MYOZ2: variants seen among roughly 807,000 people sequenced by gnomAD.
MYOZ2 encodes the protein myozenin 2, also known as myozenin-2.
Under a neutral mutation model 25.4 loss-of-function variants are expected in MYOZ2, and 19 were observed. The observed-to-expected ratio is 0.75, with a 90% CI of 0.52 to 1.10. MYOZ2 has a LOEUF of 1.10. Among genes scored for constraint, MYOZ2 ranks in the 50% least tolerant of loss-of-function variants. The probability of loss-of-function intolerance (pLI) is 0.00; values close to 1 mark genes in which losing one functional copy is unlikely to be tolerated. For synonymous variants in MYOZ2, 92 were observed against 106.9 expected (o/e 0.86, Z 0.86); for missense variants, 270 against 317.9 (o/e 0.85, Z 1.15).
chr4:119,178,259 A>G (rs1434821603), intron 5 of MYOZ2, among the ~76,000 whole-genome samples: 1 of 152,104 alleles, frequency 6.6e-6, no homozygotes, highest in Non-Finnish European at 1.5e-5. Flanking sequence ...TTAGGAACCA[A>G]CTTCTCTTTA....
intron 2 of MYOZ2, among the ~76,000 whole-genome samples, chr4:119,142,270 A>G (rs1182558059): frequency 6.6e-6 from 1 of 152,232 alleles, no homozygotes; most frequent in African/African-American, 2.4e-5. Flanking sequence ...TTCCCTATAC[A>G]GTTACAATGG....
chr4:119,169,346 C>T (rs1741900206), intron 5 of MYOZ2, among the ~76,000 whole-genome samples: 1 of 152,164 alleles, frequency 6.6e-6, no homozygotes, highest in Admixed American at 6.5e-5. Context: ...CCTACAATAT[C>T]TCCAAAGTAC....
In MYOZ2 at chr4:119,164,298, C is replaced by T. The variant is rs137878426; in HGVS notation, c.464C>T (p.Ala155Val). 6.2e-7 allele frequency: 1 copy of T among 1,613,974 alleles called. No homozygotes were observed. The highest frequency in any genetic ancestry group is 8.5e-7 in the Non-Finnish European group (1 of 1,179,878). ...TACTATCAATCTCCCTGGGAACAAG[C>T]CATTAGCAATGATCCGGAGCTTTTA... ...PKYYQSPWEQ[A>V]ISNDPELLEA... is the part of the protein sequence containing the mutation. The change falls in exon 5 of 6, where the codon GCC (alanine) becomes GTC (valine). Residue 155 changes from alanine to valine, a missense_variant. Physicochemically the swap from Ala to Val is moderately conservative, Grantham distance 64. Transcript: ENST00000307128.
At chr4:119,144,021 C>T (rs1234602596) in intron 2 of MYOZ2, among the ~76,000 whole-genome samples, 4 of 152,092 alleles carry the variant, frequency 2.6e-5, no homozygotes, top group African/African-American at 9.7e-5. Flanking sequence ...AATATCACAA[C>T]CAGAATATTG....
chr4:119,182,386 C>T (rs1306779060), intron 5 of MYOZ2, among the ~76,000 whole-genome samples: 1 of 152,154 alleles, frequency 6.6e-6, no homozygotes, highest in Non-Finnish European at 1.5e-5. Flanking sequence ...CAACCTGGAT[C>T]ATGGTACCTC....
chr4:119,176,123 C>T (rs1302858616), intron 5 of MYOZ2, among the ~76,000 whole-genome samples: 2 of 152,290 alleles, frequency 1.3e-5, no homozygotes, highest in South Asian at 2.1e-4. Context: ...TTAAGATCTA[C>T]AATTTTTTCG....
chr4:119,161,448 TAA>T (rs1452454659), intron 4 of MYOZ2, among the ~76,000 whole-genome samples: 1 of 151,976 alleles, frequency 6.6e-6, no homozygotes, highest in East Asian at 1.9e-4. Context: ...CATGAATAAA[TAA>T]GAGTATGAAA....
chr4:119,148,590 C>T (rs1741364419), intron 2 of MYOZ2, among the ~76,000 whole-genome samples: 2 of 152,000 alleles, frequency 1.3e-5, no homozygotes, highest in South Asian at 4.1e-4. Flanking sequence ...TCTATTCTAA[C>T]AGCTAAGTGA....
In MYOZ2 at chr4:119,168,708, AAC is replaced by A. The variant is rs1320510103; in HGVS notation, c.560+4316_560+4317del. On this transcript the variant is annotated intron_variant, in intron 5 of 5. Transcript: ENST00000307128. ...AAACAACAACAACAACAACAACAAC[AAC>A]AAAAAACCACCTGAGCAGATCAGGA... 7.1e-4 allele frequency among the ~76,000 whole-genome samples: 107 copies of A among 151,068 alleles called. 1 individual carries two copies. Among genetic ancestry groups the A allele is most frequent in the African/African-American group, 2.5e-3 (102 of 40,446 alleles).
At chr4:119,139,302 G>C (rs954083779) in intron 2 of MYOZ2, among the ~76,000 whole-genome samples, 22 of 152,146 alleles carry the variant, frequency 1.4e-4, no homozygotes, top group Non-Finnish European at 2.9e-4. Flanking sequence ...ACTCTTGTGA[G>C]ACAAACCTCT....
intron 1 of MYOZ2, among the ~76,000 whole-genome samples, chr4:119,136,252 G>T (rs188765926): frequency 3.3e-5 from 5 of 152,228 alleles, no homozygotes; most frequent in East Asian, 3.9e-4. Flanking sequence ...GGGGAAAGGA[G>T]ACCAGCAATT....
chr4:119,169,798 A>G (rs1398954141), intron 5 of MYOZ2, among the ~76,000 whole-genome samples: 2 of 152,212 alleles, frequency 1.3e-5, no homozygotes, highest in African/African-American at 4.8e-5. Flanking sequence ...ATAAAGGTGA[A>G]CAAGTAATAC....
intron 5 of MYOZ2, among the ~76,000 whole-genome samples, chr4:119,180,617 G>A (rs13136593): frequency 0.31 from 47,664 of 152,058 alleles, 9,378 homozygotes; most frequent in East Asian, 0.52. Flanking sequence ...GCGGTGGTGC[G>A]ATTTCAGCTC....
chr4:119,156,134 C>CA (rs1348710639), intron 3 of MYOZ2, among the ~76,000 whole-genome samples: 4 of 151,598 alleles, frequency 2.6e-5, no homozygotes, highest in Admixed American at 2.0e-4. Context: ...AGAAGAAAGA[C>CA]AAAAAACTTT....
rs1343370484 is a variant in MYOZ2, at chr4:119,135,842, T to C, written c.-155T>C. Reference sequence around the variant, plus strand: ...TCTTCAGAAAAGCTCAGTCCCCAGTTTGAGTCAGAGTAGGGACCATGCTGT... The same window carrying C: ...TCTTCAGAAAAGCTCAGTCCCCAGTCTGAGTCAGAGTAGGGACCATGCTGT... On this transcript the variant is annotated 5_prime_UTR_variant, in exon 1 of 6. Coordinates refer to ENST00000307128, the MANE Select transcript of MYOZ2 (RefSeq NM_016599.5). 6.5e-6 allele frequency: 1 copy of C among 153,472 alleles called. No homozygotes were observed. Among genetic ancestry groups the C allele is most frequent in the African/African-American group, 2.4e-5 (1 of 41,420 alleles). 9.5% of individuals were successfully genotyped at this position (153,472 alleles called of 1,614,324 possible). A position where few individuals can be genotyped will look rare whatever the true frequency, so the allele number is the denominator to read the frequency against.
intron 5 of MYOZ2, among the ~76,000 whole-genome samples, chr4:119,175,767 A>AT (rs199852758): frequency 3.3e-5 from 5 of 150,012 alleles, no homozygotes; most frequent in Non-Finnish European, 4.5e-5. Flanking sequence ...AAAAAAAAAA[A>AT]TTTTGAAGTA....
At chr4:119,161,511 A>G (rs1484943649) in intron 4 of MYOZ2, among the ~76,000 whole-genome samples, 3 of 152,152 alleles carry the variant, frequency 2.0e-5, no homozygotes, top group African/African-American at 7.2e-5. Flanking sequence ...GTTATATTAA[A>G]ACATATTTAA....
At chr4:119,157,056 G>T (rs1246921285) in intron 3 of MYOZ2, among the ~76,000 whole-genome samples, 1 of 152,020 alleles carries the variant, frequency 6.6e-6, no homozygotes, top group Non-Finnish European at 1.5e-5. Flanking sequence ...AAATGTAAAG[G>T]TATATTTCAT....
At chr4:119,136,153 G>A (rs1741018052) in intron 1 of MYOZ2, among the ~76,000 whole-genome samples, 171 bp downstream of exon 1, 1 of 152,158 alleles carries the variant, frequency 6.6e-6, no homozygotes, top group South Asian at 2.1e-4. Context: ...CTTACAGTTT[G>A]CTGGAATTGA....
Sources: gnomAD v4.1 joint callset for allele counts (sites outside exome capture counted in the v4.1 genomes callset) on GRCh38, gnomAD v4.1.1 for gene constraint, MANE v1.5 for transcripts, NCBI Gene and HGNC (gene_info 2026-07-23, HGNC 2026-07-21) for gene names.